The following ARL6 variants were observed in gnomAD, a reference collection of about 807,000 sequenced individuals.
The protein encoded by ARL6 is ADP-ribosylation factor-like protein 6.
In ARL6, 18 loss-of-function variants were observed where a neutral mutation model predicts 27.1. That is an observed-to-expected ratio of 0.66 (90% confidence interval 0.46 to 0.98). The LOEUF (loss-of-function observed/expected upper bound fraction) is 0.98. Among genes scored for constraint, ARL6 ranks in the 50% least tolerant of loss-of-function variants. ARL6 has a pLI of 0.00. For synonymous variants in ARL6, 65 were observed against 72.3 expected (o/e 0.90, Z 0.51); for missense variants, 187 against 214.9 (o/e 0.87, Z 0.81).
chr3:97,773,360 C>A (rs2036732726), intron 2 of ARL6, among the ~76,000 whole-genome samples: 1 of 152,168 alleles, frequency 6.6e-6, no homozygotes, highest in African/African-American at 2.4e-5. Flanking sequence ...TCTTTCCCAG[C>A]CCACTGACTC....
upstream of ARL6, chr3:97,764,679 G>C (rs563142870): frequency 9.6e-4 from 147 of 152,356 alleles, no homozygotes; most frequent in African/African-American, 3.4e-3. Context: ...TAGCACAACG[G>C]CTGAATCGCC....
rs1326749438 is a variant in ARL6, at chr3:97,767,862, T to C, written c.-27-219T>C. On this transcript the variant is annotated intron_variant, in intron 1 of 7. Coordinates refer to ENST00000463745, the MANE Select transcript of ARL6 (RefSeq NM_001278293.3). ...TGTTGTTATTTCCAAGGCATTGTTC[T>C]GTGTTGCCACCTGTTATAAGCTGCA... Among the ~76,000 whole-genome samples, 5 of 152,194 alleles carry C rather than the reference T, an allele frequency of 3.3e-5. No homozygotes were observed. The East Asian group carries it at 9.6e-4, about 29-fold the overall frequency.
At chr3:97,774,427 G>C (rs1188000243) in intron 2 of ARL6, among the ~76,000 whole-genome samples, 1 of 152,074 alleles carries the variant, frequency 6.6e-6, no homozygotes, top group African/African-American at 2.4e-5. Context: ...CTCAGGGGAG[G>C]CCATCACTGT....
intron 7 of ARL6, 123 bp downstream of exon 7, chr3:97,791,949 T>G: frequency 1.1e-6 from 1 of 873,128 alleles, no homozygotes; most frequent in Non-Finnish European, 1.8e-6. Flanking sequence ...ATTTCTGCTA[T>G]CAGAAAAAAC....
At chr3:97,768,057 T>G (rs752787492) in intron 1 of ARL6, 24 bp from the exon 2 acceptor site, 1 of 1,605,242 alleles carries the variant, frequency 6.2e-7, no homozygotes. Context: ...CTTTGGGTAA[T>G]ATTTTATTTT....
Position 97,801,176 on chromosome 3 carries a change from TA to T in ARL6, c.*3128del, listed in dbSNP as rs891147084. On this transcript the variant is annotated 3_prime_UTR_variant, in exon 8 of 8. Transcript: ENST00000463745. Reference sequence around the variant, plus strand: ...GTTCATGAAAATAAATGACTGGTATTACAAGGTCACCTAAATAAATAGGTTT... The same window carrying T: ...GTTCATGAAAATAAATGACTGGTATTCAAGGTCACCTAAATAAATAGGTTT... 9 of 152,212 alleles carry T rather than the reference TA, an allele frequency of 5.9e-5. No individual in the cohort carries two copies. The highest frequency in any genetic ancestry group is 4.6e-4 in the Admixed American group (7 of 15,268). The allele number at this position is 152,212 out of a possible 1,614,324, so 9.4% of individuals were successfully genotyped here.
Position 97,793,139 on chromosome 3 carries a change from G to C in ARL6, c.535+1313G>C, listed in dbSNP as rs908646646. ...GTTATTGGTATAATATGGTGGTTTAGTTAACTGGACAGACTATTGTACTTC... is the reference window on the plus strand; with the variant it reads ...GTTATTGGTATAATATGGTGGTTTACTTAACTGGACAGACTATTGTACTTC... On this transcript the variant is annotated intron_variant, in intron 7 of 7. Transcript: ENST00000463745. 1.8e-4 allele frequency among the ~76,000 whole-genome samples: 28 copies of C among 152,116 alleles called. 1 individual carries two copies. Among genetic ancestry groups the C allele is most frequent in the African/African-American group, 6.5e-4 (27 of 41,422 alleles).
chr3:97,795,516 G>T (rs1242525594), intron 7 of ARL6, among the ~76,000 whole-genome samples: 1 of 152,074 alleles, frequency 6.6e-6, no homozygotes, highest in African/African-American at 2.4e-5. Context: ...TTTTTAAAAA[G>T]ATATTAATAT....
intron 2 of ARL6, among the ~76,000 whole-genome samples, chr3:97,779,677 TA>T (rs1390759179): frequency 2.0e-5 from 3 of 152,028 alleles, no homozygotes; most frequent in Non-Finnish European, 4.4e-5. Context: ...CCATCCTGGC[TA>T]ACACGGTGAA....
At chr3:97,771,091 G>C (rs568588044) in intron 2 of ARL6, among the ~76,000 whole-genome samples, 317 of 152,060 alleles carry the variant, frequency 2.1e-3, no homozygotes, top group Non-Finnish European at 3.8e-3. Flanking sequence ...CATTGACTCT[G>C]TTAATCTCTT....
At chr3:97,767,537 A>G (rs1465400787) in intron 1 of ARL6, among the ~76,000 whole-genome samples, 1 of 152,176 alleles carries the variant, frequency 6.6e-6, no homozygotes, top group Non-Finnish European at 1.5e-5. Flanking sequence ...CAAGCAAAAA[A>G]AAAGTGAATT....
rs894032636 is a variant in ARL6, at chr3:97,787,838, C to A, written c.350-152C>A. 43 of 755,102 alleles carry A rather than the reference C, an allele frequency of 5.7e-5. No homozygotes were observed. The Middle Eastern group carries it at 2.2e-3, about 38-fold the overall frequency. The allele number at this position is 755,102 out of a possible 1,614,324, so 46.8% of individuals were successfully genotyped here. On this transcript the variant is annotated intron_variant, in intron 5 of 7. Transcript: ENST00000463745. Reference sequence around the variant, plus strand: ...TGTTACTGCTCAAATACATGCCTAACAGTGTGACAGTATGTGTCTTTAAAT... The same window carrying A: ...TGTTACTGCTCAAATACATGCCTAAAAGTGTGACAGTATGTGTCTTTAAAT...
chr3:97,770,639 C>T (rs565087708), intron 2 of ARL6, among the ~76,000 whole-genome samples: 4 of 152,110 alleles, frequency 2.6e-5, no homozygotes, highest in African/African-American at 9.6e-5. Flanking sequence ...TGTGTTTTCT[C>T]CTAGTACTTT....
intron 4 of ARL6, among the ~76,000 whole-genome samples, chr3:97,784,480 TAAA>T (rs148371215): frequency 7.1e-6 from 1 of 140,636 alleles, no homozygotes; most frequent in Non-Finnish European, 1.6e-5. Flanking sequence ...ACCATAGTAG[TAAA>T]AAAAAAAAAA....
chr3:97,775,296 G>C (rs369284806), intron 2 of ARL6, among the ~76,000 whole-genome samples: 1 of 152,122 alleles, frequency 6.6e-6, no homozygotes, highest in East Asian at 1.9e-4. Flanking sequence ...ATTAACTCAC[G>C]TGATCACAGA....
Position 97,798,196 on chromosome 3 carries a change from G to A in ARL6, c.*147G>A. 1.3e-6 allele frequency: 1 copy of A among 780,206 alleles called. No individual in the cohort carries two copies. Among genetic ancestry groups the A allele is most frequent in the Non-Finnish European group, 2.1e-6 (1 of 467,084 alleles). 48.3% of individuals were successfully genotyped at this position (780,206 alleles called of 1,614,324 possible). A position where few individuals can be genotyped will look rare whatever the true frequency, so the allele number is the denominator to read the frequency against. On this transcript the variant is annotated 3_prime_UTR_variant, in exon 8 of 8. Coordinates refer to ENST00000463745, the MANE Select transcript of ARL6 (RefSeq NM_001278293.3). ...GACTCTGACCTTTTTAAGAACATAG[G>A]ACTTCAGGTATGCTAATTTGGCCAT...
intron 2 of ARL6, among the ~76,000 whole-genome samples, chr3:97,779,138 C>T (rs1164745859): frequency 6.6e-6 from 1 of 152,192 alleles, no homozygotes; most frequent in Non-Finnish European, 1.5e-5. Flanking sequence ...CTTCTCCACG[C>T]AGAATTCCCT....
chr3:97,796,559 G>A (rs1041586146), intron 7 of ARL6, among the ~76,000 whole-genome samples: 2 of 152,144 alleles, frequency 1.3e-5, no homozygotes, highest in South Asian at 2.1e-4. Flanking sequence ...GCAAATCCTC[G>A]AACAGTATTT....
chr3:97,796,028 G>T (rs1202347727), intron 7 of ARL6, among the ~76,000 whole-genome samples: 1 of 152,154 alleles, frequency 6.6e-6, no homozygotes, highest in Non-Finnish European at 1.5e-5. Context: ...AGATCCCAAG[G>T]AAATGGCTTA....
Sources: allele counts gnomAD v4.1 joint callset (sites outside exome capture counted in the v4.1 genomes callset), GRCh38; gene constraint gnomAD v4.1.1; transcripts MANE v1.5; gene names NCBI Gene and HGNC (gene_info 2026-07-23, HGNC 2026-07-21).